The following CRYBG3 variants were observed in gnomAD, a reference collection of about 807,000 sequenced individuals.
CRYBG3 encodes the protein crystallin beta-gamma domain containing 3, also known as very large A-kinase anchor protein.
Under a neutral mutation model 244.2 loss-of-function variants are expected in CRYBG3, and 127 were observed. The observed-to-expected ratio is 0.52, with a 90% CI of 0.45 to 0.60. CRYBG3 has a LOEUF of 0.60. CRYBG3 is among the 20% of genes least tolerant of loss of function. The pLI is 0.00. For synonymous variants in CRYBG3, 1,132 were observed against 1,195.8 expected, an observed-to-expected ratio of 0.95 and a Z score of 1.10; for missense variants, 3,325 against 3,442.5, an observed-to-expected ratio of 0.97 and a Z score of 0.85.
chr3:97,830,721 A>AT (rs1456023103), intron 1 of CRYBG3, among the ~76,000 whole-genome samples: 1 of 151,936 alleles, frequency 6.6e-6, no homozygotes, highest in Non-Finnish European at 1.5e-5. Context: ...TTTGTGATTC[A>AT]TTTTTTCTTT....
chr3:97,908,066 A>T (rs972762185), intron 15 of CRYBG3, among the ~76,000 whole-genome samples: 9 of 152,140 alleles, frequency 5.9e-5, no homozygotes, highest in Non-Finnish European at 1.3e-4. Context: ...TTTGAGTGAG[A>T]TTCCTAATCC....
At chr3:97,900,084 C>G (rs2039688944) in intron 14 of CRYBG3, among the ~76,000 whole-genome samples, 1 of 152,194 alleles carries the variant, frequency 6.6e-6, no homozygotes, top group Admixed American at 6.5e-5. Flanking sequence ...TGCAGTGGCA[C>G]AGGGGTGCAA....
At chr3:97,893,322 A>G (rs1205768550) in intron 11 of CRYBG3, among the ~76,000 whole-genome samples, 2 of 152,206 alleles carry the variant, frequency 1.3e-5, no homozygotes, top group African/African-American at 4.8e-5. Flanking sequence ...TTTATCCACT[A>G]TTTTGTTGAT....
At chr3:97,842,560 G>GA (rs895813989) in intron 1 of CRYBG3, among the ~76,000 whole-genome samples, 9 of 147,938 alleles carry the variant, frequency 6.1e-5, no homozygotes, top group Non-Finnish European at 7.5e-5. Context: ...CTCTAAAAAA[G>GA]AAAAAAAAAA....
chr3:97,844,722 G>A (rs1326010311), intron 2 of CRYBG3, among the ~76,000 whole-genome samples: 2 of 152,150 alleles, frequency 1.3e-5, no homozygotes, highest in African/African-American at 2.4e-5. Flanking sequence ...CACCTGCAGA[G>A]GCTCTGAAAG....
In CRYBG3 at chr3:97,874,101, A is replaced by G. The variant is rs955839474; in HGVS notation, c.2907A>G (p.Gln969=). ...NCEAHTCVFH[Q]SLDICGTKKI... ...AAGCTCACACTTGTGTGTTTCATCA[A>G]TCTTTGGATATTTGTGGGACTAAAA... is the stretch of plus-strand genomic sequence containing the variant. The change falls in exon 4 of 22, where the codon CAA becomes CAG. Residue 969 remains glutamine (Q), a synonymous_variant. Coordinates refer to ENST00000389622, the MANE Select transcript of CRYBG3 (RefSeq NM_153605.4). 2 of 1,535,514 alleles carry G rather than the reference A, an allele frequency of 1.3e-6. No individual in the cohort carries two copies. The highest frequency in any genetic ancestry group is 1.4e-5 in the African/African-American group (1 of 73,028).
chr3:97,920,191 A>G (rs2039968698), intron 17 of CRYBG3, among the ~76,000 whole-genome samples: 4 of 152,206 alleles, frequency 2.6e-5, no homozygotes, highest in Admixed American at 2.6e-4. Flanking sequence ...TGTGCTAAGT[A>G]CTGAATATGA....
chr3:97,903,003 A>T (rs2039722768), intron 15 of CRYBG3, among the ~76,000 whole-genome samples: 2 of 152,134 alleles, frequency 1.3e-5, no homozygotes, highest in South Asian at 4.1e-4. Flanking sequence ...ATTCTCTAGA[A>T]ATTCTAACCA....
intron 1 of CRYBG3, among the ~76,000 whole-genome samples, chr3:97,828,888 A>G (rs551950721): frequency 6.6e-6 from 1 of 151,914 alleles, no homozygotes; most frequent in Non-Finnish European, 1.5e-5. Flanking sequence ...TTAAGCTACA[A>G]CTAATTGTGT....
At chr3:97,866,080 A>G (rs146081539) in intron 3 of CRYBG3, among the ~76,000 whole-genome samples, 2 of 152,344 alleles carry the variant, frequency 1.3e-5, no homozygotes, top group East Asian at 3.9e-4. Context: ...TAATAAGTGA[A>G]AAAACATTTA....
At chr3:97,914,056 AC>A (rs947711647) in intron 16 of CRYBG3, among the ~76,000 whole-genome samples, 5 of 151,920 alleles carry the variant, frequency 3.3e-5, no homozygotes, top group African/African-American at 1.2e-4. Flanking sequence ...GGTTCAGTCC[AC>A]TCTATTATTT....
intron 1 of CRYBG3, among the ~76,000 whole-genome samples, 199 bp from the exon 2 acceptor site, chr3:97,842,996 A>G (rs2038844480): frequency 6.6e-6 from 1 of 152,216 alleles, no homozygotes; most frequent in Non-Finnish European, 1.5e-5. Flanking sequence ...TCACACAAAT[A>G]TCTGAAGACT....
At chr3:97,897,957 A>C (rs2039658068) in intron 12 of CRYBG3, among the ~76,000 whole-genome samples, 1 of 152,170 alleles carries the variant, frequency 6.6e-6, no homozygotes. Context: ...ACGGTGGTTC[A>C]TGCCTGTAAT....
Position 97,873,683 on chromosome 3 carries a change from C to T in CRYBG3, c.2489C>T (p.Ser830Phe). 6.5e-7 allele frequency: 1 copy of T among 1,535,784 alleles called. No homozygotes were observed. The highest frequency in any genetic ancestry group is 8.7e-7 in the Non-Finnish European group (1 of 1,146,798). ...AACAATGTTCTTGTGGAGTCACATT[C>T]TGGAAGAGGAAAAACTATATCCTTG... ...GQNNVLVESH[S>F]GRGKTISLSK... The change falls in exon 4 of 22, where the codon TCT (serine) becomes TTT (phenylalanine). Residue 830 changes from serine (S) to phenylalanine (F), a missense_variant. By Grantham distance (155) the Ser-to-Phe change is radical. This residue lies in a region of CRYBG3 where 1,526 missense variants were observed against 1,443.2 expected (regional missense o/e 1.06). Coordinates refer to ENST00000389622, the MANE Select transcript of CRYBG3 (RefSeq NM_153605.4).
chr3:97,898,675 T>G (rs2039667065), intron 12 of CRYBG3, among the ~76,000 whole-genome samples: 2 of 152,202 alleles, frequency 1.3e-5, no homozygotes, highest in Non-Finnish European at 2.9e-5. Context: ...ATGTAATATC[T>G]TCCCAATTAA....
intron 2 of CRYBG3, among the ~76,000 whole-genome samples, chr3:97,856,813 G>A (rs2108193242): frequency 6.6e-6 from 1 of 151,778 alleles, no homozygotes; most frequent in East Asian, 1.9e-4. Flanking sequence ...TTCTTAGTCT[G>A]ACTAATGGTT....
chr3:97,900,534 T>C, intron 15 of CRYBG3, 49 bp downstream of exon 15: 5 of 1,103,454 alleles, frequency 4.5e-6, no homozygotes, highest in Non-Finnish European at 6.8e-6. Context: ...ACTAAAAGCA[T>C]TTATACCCTT....
At position 97,873,306 on chromosome 3, in the gene CRYBG3, T is replaced by G; in HGVS notation, c.2112T>G (p.Asn704Lys). The G allele has an allele frequency of 1.3e-6, 2 of 1,535,674 alleles. No homozygotes were observed. Among genetic ancestry groups the G allele is most frequent in the Non-Finnish European group, 1.7e-6 (2 of 1,146,716 alleles). Residue 704 changes from asparagine to lysine, a missense_variant, in exon 4 of 22, where the codon AAT becomes AAG. Coordinates refer to ENST00000389622, the MANE Select transcript of CRYBG3 (RefSeq NM_153605.4). ...SYQPRKCKEE[N>K]VKNHVEAAGR... ...AGCCTAGGAAGTGTAAAGAAGAAAA[T>G]GTGAAAAACCATGTTGAGGCTGCAG... is the stretch of plus-strand genomic sequence containing the variant.
chr3:97,915,472 G>GT (rs762430014), intron 16 of CRYBG3, 138 bp from the exon 17 acceptor site: 1,037 of 752,244 alleles, frequency 1.4e-3, no homozygotes, highest in Non-Finnish European at 1.4e-3. Context: ...TGTGTTTTTT[G>GT]TTTTTTTAAA....
Sources: gnomAD v4.1 joint callset for allele counts (sites outside exome capture counted in the v4.1 genomes callset) on GRCh38, gnomAD v4.1.1 for gene constraint, gnomAD v4.1.1 regional missense constraint, MANE v1.5 for transcripts, NCBI Gene and HGNC (gene_info 2026-07-23, HGNC 2026-07-21) for gene names.